Variants in RPGR observed in about 807,000 individuals in gnomAD.
RPGR encodes the protein retinitis pigmentosa GTPase regulator, also known as X-linked retinitis pigmentosa GTPase regulator.
In RPGR, 10 loss-of-function variants were observed where a neutral mutation model predicts 56.3. The ratio of observed to expected loss-of-function variants is 0.18; its 90% CI spans 0.11 to 0.30. The LOEUF is 0.30. Among genes scored for constraint, RPGR ranks in the 10% least tolerant of loss-of-function variants. The probability of loss-of-function intolerance (pLI) is 1.00; values close to 1 mark genes in which losing one functional copy is unlikely to be tolerated. For missense variants in RPGR, 538 were observed against 590.9 expected, an observed-to-expected ratio of 0.91 and a Z score of 0.93; for synonymous variants, 197 against 212.9, an observed-to-expected ratio of 0.93 and a Z score of 0.65.
chrX:38,269,472 T>C lies in RPGR; in HGVS notation c.*154A>G. 1 of 425,492 alleles carries C rather than the reference T, an allele frequency of 2.4e-6. No homozygotes were observed. Among genetic ancestry groups the C allele is most frequent in the Non-Finnish European group, 4.0e-6 (1 of 249,869 alleles). 35.1% of individuals were successfully genotyped at this position (425,492 alleles called of 1,213,427 possible). ...TGTTAAAAATATTAGCATAAATAAA[T>C]ATCAAAACTGGTCACACTTATAGAA... On this transcript the variant is annotated 3_prime_UTR_variant, in exon 19 of 19. Transcript: ENST00000642395.
intron 18 of RPGR, among the ~76,000 whole-genome samples, chrX:38,270,475 T>G (rs1211603313): frequency 2.0e-5 from 1 of 51,058 alleles, no homozygotes; most frequent in Non-Finnish European, 3.8e-5. Context: ...AAAAAAAAAT[T>G]AGCCGGGCGT....
At chrX:38,322,362 T>G (rs2067958942) in intron 3 of RPGR, among the ~76,000 whole-genome samples, 3 of 112,088 alleles carry the variant, frequency 2.7e-5, no homozygotes, top group Non-Finnish European at 5.6e-5. Context: ...CCTGTTGTTC[T>G]TTTACACTAG....
intron 1 of RPGR, 142 bp downstream of exon 1, chrX:38,327,198 C>A (rs2068064881): frequency 1.8e-6 from 1 of 557,636 alleles, no homozygotes; most frequent in African/African-American, 2.4e-5. Flanking sequence ...CAGTCATTCG[C>A]GGGAGCGCAA....
intron 5 of RPGR, among the ~76,000 whole-genome samples, chrX:38,318,113 GACTT>G (rs2067861381): frequency 9.0e-6 from 1 of 111,053 alleles, no homozygotes; most frequent in Admixed American, 9.7e-5. Flanking sequence ...GAATTATTAA[GACTT>G]ATTTATTTAT....
At chrX:38,300,520 C>A (rs1319043448) in intron 9 of RPGR, among the ~76,000 whole-genome samples, 1 of 111,273 alleles carries the variant, frequency 9.0e-6, no homozygotes. Flanking sequence ...GCCAAAAAAC[C>A]GTATCTTCAA....
intron 13 of RPGR, among the ~76,000 whole-genome samples, chrX:38,288,858 T>C (rs1343985574): frequency 1.8e-5 from 2 of 110,676 alleles, no homozygotes; most frequent in Non-Finnish European, 3.8e-5. Flanking sequence ...CTCAGCTCAC[T>C]GCAGCCTCTG....
chrX:38,300,540 T>C (rs1415385118), intron 9 of RPGR, among the ~76,000 whole-genome samples: 1 of 111,579 alleles, frequency 9.0e-6, no homozygotes, highest in Non-Finnish European at 1.9e-5. Flanking sequence ...AAACTCTTTA[T>C]TTTTTATTTT....
rs1336069525 is a variant in RPGR, at chrX:38,323,590, T to G, written c.29-66A>C. On this transcript the variant is annotated intron_variant, in intron 1 of 18. Coordinates refer to ENST00000642395, the MANE Select transcript of RPGR (RefSeq NM_000328.3). ...TGTTGCCTGTTATTAAAATAACTTT[T>G]GAGTAATTTATCCATACAAACCCCT... 30 of 1,137,937 alleles carry G rather than the reference T, an allele frequency of 2.6e-5. No individual in the cohort carries two copies. The East Asian group carries it at 8.8e-4, about 33-fold the overall frequency. 93.8% of individuals were successfully genotyped at this position (1,137,937 alleles called of 1,213,427 possible).
At chrX:38,283,708 T>C (rs17147201) in intron 15 of RPGR, among the ~76,000 whole-genome samples, 10,661 of 111,407 alleles carry the variant, frequency 0.096, 539 homozygotes, top group African/African-American at 0.17. Flanking sequence ...CTGAGATGGG[T>C]GTATTTTAGA....
intron 5 of RPGR, chrX:38,317,918 A>C (rs1008873182): frequency 2.6e-5 from 3 of 114,087 alleles, no homozygotes; most frequent in Admixed American, 9.2e-5. Context: ...TTTTGAAAAA[A>C]GAACAGAAGA....
chrX:38,300,881 A>G (rs774055631), intron 9 of RPGR, among the ~76,000 whole-genome samples: 2 of 112,103 alleles, frequency 1.8e-5, no homozygotes, highest in Non-Finnish European at 3.8e-5. Context: ...AGGATTTGAG[A>G]GTCTAACATT....
At chrX:38,304,057 G>A (rs2067550705) in intron 8 of RPGR, among the ~76,000 whole-genome samples, 1 of 111,818 alleles carries the variant, frequency 8.9e-6, no homozygotes, top group South Asian at 3.7e-4. Context: ...ATAGTTTTGA[G>A]GCTGAGAAGT....
intron 17 of RPGR, among the ~76,000 whole-genome samples, chrX:38,274,813 C>T (rs1436138690): frequency 9.0e-6 from 1 of 110,526 alleles, no homozygotes; most frequent in Non-Finnish European, 1.9e-5. Flanking sequence ...GAAACTCTGT[C>T]TCAAAAAAAA....
At chrX:38,300,317 A>T (rs1486154546) in intron 9 of RPGR, among the ~76,000 whole-genome samples, 1 of 111,793 alleles carries the variant, frequency 8.9e-6, no homozygotes. Context: ...AATGACTGTC[A>T]AATCAATAAA....
chrX:38,327,041 G>C (rs1315007900), intron 1 of RPGR: 1 of 294,969 alleles, frequency 3.4e-6, no homozygotes, highest in Non-Finnish European at 5.8e-6. Context: ...TGGGCAACAA[G>C]AGTGAAACTC....
chrX:38,308,489 T>C (rs1171965651), intron 7 of RPGR, among the ~76,000 whole-genome samples: 2 of 111,037 alleles, frequency 1.8e-5, no homozygotes, highest in Non-Finnish European at 3.8e-5. Flanking sequence ...TAGAAAAATG[T>C]TTTATAATGA....
chrX:38,316,196 C>T (rs1312579594), intron 6 of RPGR, among the ~76,000 whole-genome samples: 1 of 110,763 alleles, frequency 9.0e-6, no homozygotes, highest in Non-Finnish European at 1.9e-5. Context: ...ATGTACAAAC[C>T]TGTGAATATG....
intron 15 of RPGR, among the ~76,000 whole-genome samples, chrX:38,281,244 C>T (rs2067025693): frequency 8.9e-6 from 1 of 112,334 alleles, no homozygotes; most frequent in African/African-American, 3.2e-5. Flanking sequence ...ACGACTATAC[C>T]TTATGTGCTA....
At chrX:38,323,224 C>A (rs2067982269) in intron 2 of RPGR, among the ~76,000 whole-genome samples, 175 bp downstream of exon 2, 2 of 111,851 alleles carry the variant, frequency 1.8e-5, no homozygotes, top group South Asian at 7.3e-4. Context: ...ACTAAGGAAA[C>A]TTAAAATTTA....
Sources: allele counts gnomAD v4.1 joint callset (sites outside exome capture counted in the v4.1 genomes callset), GRCh38; gene constraint gnomAD v4.1.1; transcripts MANE v1.5; gene names NCBI Gene and HGNC (gene_info 2026-07-23, HGNC 2026-07-21).